CNTLN: variants seen among roughly 807,000 people sequenced by gnomAD.
CNTLN encodes centlein, centrosomal protein.
A neutral mutation model predicts 180.0 loss-of-function variants in CNTLN; 212 were observed. That is an observed-to-expected ratio of 1.18 (90% CI 1.05 to 1.32). CNTLN has a LOEUF of 1.32. Among genes scored for constraint, CNTLN ranks in the 40% most tolerant of loss-of-function variants. The pLI is 0.00. For synonymous variants in CNTLN, 722 were observed against 563.1 expected (o/e 1.28, Z -3.99); for missense variants, 2,095 against 1,610.9 (o/e 1.30, Z -5.14).
At chr9:17,393,819 A>G (rs1826290682) in intron 14 of CNTLN, among the ~76,000 whole-genome samples, 1 of 152,178 alleles carries the variant, frequency 6.6e-6, no homozygotes, top group African/African-American at 2.4e-5. Flanking sequence ...CTTAGATTAT[A>G]TCCTTTATTA....
chr9:17,464,672 A>T, intron 21 of CNTLN, 49 bp downstream of exon 21: 1 of 1,157,986 alleles, frequency 8.6e-7, no homozygotes, highest in Non-Finnish European at 1.2e-6. Context: ...TTCCTGTTGT[A>T]ATTACTCTCT....
At chr9:17,507,644 T>C (rs1204675241), downstream of CNTLN, among the ~76,000 whole-genome samples, 1 of 152,192 alleles carries the variant, frequency 6.6e-6, no homozygotes, top group Non-Finnish European at 1.5e-5. Flanking sequence ...ATATAATGGA[T>C]AAAAATGACT....
intron 18 of CNTLN, among the ~76,000 whole-genome samples, chr9:17,439,368 A>C (rs1287094124): frequency 6.6e-6 from 1 of 152,254 alleles, no homozygotes; most frequent in Non-Finnish European, 1.5e-5. Flanking sequence ...AAATAGTATT[A>C]TCTAACACAA....
Position 17,362,243 on chromosome 9 carries a change from C to A in CNTLN, c.1887-4374C>A, listed in dbSNP as rs191313485. ...GAAAACTAAGTTGAGGTAAGTTACA[C>A]CTGCTTTTTCTTTGTGGGGCCATCT... On this transcript the variant is annotated intron_variant, in intron 12 of 25. Transcript: ENST00000380647. Among the ~76,000 whole-genome samples the A allele has an allele frequency of 6.7e-4, 102 of 152,274 alleles. 1 individual carries two copies. The highest frequency in any genetic ancestry group is 6.3e-3 in the Admixed American group (96 of 15,288).
chr9:17,179,454 A>C (rs2131715670), intron 2 of CNTLN, among the ~76,000 whole-genome samples: 1 of 152,174 alleles, frequency 6.6e-6, no homozygotes, highest in South Asian at 2.1e-4. Flanking sequence ...ATTATGTAGA[A>C]ATGTGTTATT....
intron 6 of CNTLN, among the ~76,000 whole-genome samples, chr9:17,297,055 C>G (rs1817998959): frequency 6.6e-6 from 1 of 152,182 alleles, no homozygotes; most frequent in African/African-American, 2.4e-5. Context: ...CCTTTCATAT[C>G]CATGGATTCC....
chr9:17,372,510 G>T (rs1221932607), intron 13 of CNTLN, among the ~76,000 whole-genome samples: 1 of 152,062 alleles, frequency 6.6e-6, no homozygotes, highest in Non-Finnish European at 1.5e-5. Flanking sequence ...GAAACAACCA[G>T]GACCTGGTGA....
chr9:17,317,660 A>G (rs1314408143), intron 8 of CNTLN, among the ~76,000 whole-genome samples: 2 of 152,202 alleles, frequency 1.3e-5, no homozygotes, highest in African/African-American at 4.8e-5. Context: ...GTATGGTGGC[A>G]GAAGAAATCA....
chr9:17,161,270 C>T (rs565564226), intron 2 of CNTLN, among the ~76,000 whole-genome samples: 1 of 152,052 alleles, frequency 6.6e-6, no homozygotes, highest in African/African-American at 2.4e-5. Flanking sequence ...GTTTACCTGT[C>T]ACTTTATGAG....
At chr9:17,293,282 T>C (rs1817529032) in intron 6 of CNTLN, among the ~76,000 whole-genome samples, 1 of 152,230 alleles carries the variant, frequency 6.6e-6, no homozygotes, top group Non-Finnish European at 1.5e-5. Flanking sequence ...TAATGAAGCA[T>C]TCTGGCTGCC....
At position 17,298,298 on chromosome 9, in the gene CNTLN, A is replaced by G. The variant is rs1406979269; in HGVS notation, c.1092A>G (p.Lys364=). ...QLQVLNMDTQ[K]VLRNQEDVHT... The stretch of plus-strand genomic sequence containing the variant: ...AGGTTCTCAATATGGACACACAAAA[A>G]GTACTGAGAAATCAGGAAGATGTTC... Residue 364 remains lysine (K), a synonymous_variant, in exon 7 of 26, where the codon AAA becomes AAG. Coordinates refer to ENST00000380647, the MANE Select transcript of CNTLN (RefSeq NM_017738.4). The G allele has an allele frequency of 6.2e-7, 1 of 1,613,430 alleles. No individual in the cohort carries two copies. The highest frequency in any genetic ancestry group is 1.3e-5 in the African/African-American group (1 of 74,918).
chr9:17,394,616 A>G lies in CNTLN; in HGVS notation c.2162A>G (p.Glu721Gly), dbSNP rs751085461. 5.0e-6 allele frequency: 8 copies of G among 1,602,016 alleles called. No individual in the cohort carries two copies. In the South Asian group the frequency reaches 8.0e-5, roughly 16 times the overall value. Residue 721 changes from glutamate (E) to glycine (G), a missense_variant, in exon 15 of 26, where the codon GAA becomes GGA. Transcript: ENST00000380647. ...GAAGGGAATAAAAAATTAATGAAAG[A>G]AAATGATTTTCTGAAATCCCTCTTA... is the stretch of plus-strand genomic sequence containing the variant. ...LKEGNKKLMK[E>G]NDFLKSLLKQ...
At chr9:17,301,250 G>A (rs1021988464) in intron 7 of CNTLN, 27 of 985,240 alleles carry the variant, frequency 2.7e-5, no homozygotes, top group Middle Eastern at 5.2e-4. Flanking sequence ...CCTATTTGGC[G>A]AACTTGCCGT....
intron 18 of CNTLN, among the ~76,000 whole-genome samples, chr9:17,451,007 CAT>C (rs1169135252): frequency 6.6e-6 from 1 of 152,076 alleles, no homozygotes; most frequent in African/African-American, 2.4e-5. Flanking sequence ...TTGTTAATGA[CAT>C]AGAAAATGAT....
In CNTLN at chr9:17,247,575, C is replaced by T. The variant is rs117724549; in HGVS notation, c.849+10987C>T. Among the ~76,000 whole-genome samples, 927 of 152,206 alleles carry T rather than the reference C, an allele frequency of 6.1e-3. 8 individuals carry two copies. Among genetic ancestry groups the T allele is most frequent in the Admixed American group, 9.6e-3 (146 of 15,264 alleles). On this transcript the variant is annotated intron_variant, in intron 5 of 25. Transcript: ENST00000380647. ...TTCTTCAGTGCCTCTTTCTTTAATACGATGTTAAAACCAGGTACTGTGATT... is the reference window on the plus strand; with the variant it reads ...TTCTTCAGTGCCTCTTTCTTTAATATGATGTTAAAACCAGGTACTGTGATT...
chr9:17,267,391 T>G (rs550400285), intron 5 of CNTLN, among the ~76,000 whole-genome samples: 1 of 152,284 alleles, frequency 6.6e-6, no homozygotes, highest in East Asian at 1.9e-4. Flanking sequence ...GCTTGTAGAG[T>G]TTCTGCCGAG....
At chr9:17,449,645 T>C (rs1390538915) in intron 18 of CNTLN, among the ~76,000 whole-genome samples, 1 of 152,360 alleles carries the variant, frequency 6.6e-6, no homozygotes, top group East Asian at 1.9e-4. Context: ...ATTGTATTAG[T>C]TGACTTTCTA....
At chr9:17,428,558 G>T (rs1400947948) in intron 18 of CNTLN, among the ~76,000 whole-genome samples, 1 of 152,086 alleles carries the variant, frequency 6.6e-6, no homozygotes, top group African/African-American at 2.4e-5. Flanking sequence ...TTTTCAGTAG[G>T]TTATATTTGC....
chr9:17,355,450 A>G (rs183030075), intron 12 of CNTLN, among the ~76,000 whole-genome samples: 1 of 152,240 alleles, frequency 6.6e-6, no homozygotes, highest in East Asian at 1.9e-4. Flanking sequence ...TGAAGTACAT[A>G]TTGTTTATTC....
Sources: gnomAD v4.1 joint callset for allele counts (sites outside exome capture counted in the v4.1 genomes callset) on GRCh38, gnomAD v4.1.1 for gene constraint, MANE v1.5 for transcripts, NCBI Gene and HGNC (gene_info 2026-07-23, HGNC 2026-07-21) for gene names.